The following PTPRZ1 variants were observed in gnomAD, a reference collection of about 807,000 sequenced individuals.
The protein encoded by PTPRZ1 is protein tyrosine phosphatase receptor type Z1.
PTPRZ1 carries 82 observed loss-of-function variants against 214.1 expected under a neutral mutation model. That is an observed-to-expected ratio of 0.38 (90% CI 0.32 to 0.46). The LOEUF is 0.46. Ranked by LOEUF, PTPRZ1 falls within the 20% of genes least tolerant of loss-of-function variation. The probability of loss-of-function intolerance (pLI) is 1.00; values close to 1 mark genes in which losing one functional copy is unlikely to be tolerated. For missense variants in PTPRZ1, 2,603 were observed against 2,748.7 expected, an observed-to-expected ratio of 0.95 and a Z score of 1.19; for synonymous variants, 945 against 987.9, an observed-to-expected ratio of 0.96 and a Z score of 0.81.
chr7:122,002,743 CCTT>C (rs1202055795), intron 10 of PTPRZ1, among the ~76,000 whole-genome samples: 2 of 152,086 alleles, frequency 1.3e-5, no homozygotes, highest in African/African-American at 4.8e-5. Flanking sequence ...ATTTTGAACA[CCTT>C]CTTAGGCATG....
intron 2 of PTPRZ1, among the ~76,000 whole-genome samples, chr7:121,963,611 G>A (rs1016666309): frequency 6.6e-6 from 1 of 152,060 alleles, no homozygotes; most frequent in East Asian, 1.9e-4. Context: ...CTCCACCCAG[G>A]GGTGTGGTTT....
intron 2 of PTPRZ1, among the ~76,000 whole-genome samples, chr7:121,941,747 G>A (rs965370143): frequency 6.6e-6 from 1 of 152,138 alleles, no homozygotes; most frequent in African/African-American, 2.4e-5. Flanking sequence ...TGAGGGGCCT[G>A]TGTCTGGGCC....
intron 10 of PTPRZ1, among the ~76,000 whole-genome samples, chr7:122,000,382 C>G (rs559997132): frequency 6.6e-6 from 1 of 151,682 alleles, no homozygotes; most frequent in South Asian, 2.1e-4. Context: ...TTGGTGCCTA[C>G]AAGATTAGTG....
chr7:121,933,907 C>A (rs557316363), intron 2 of PTPRZ1, among the ~76,000 whole-genome samples: 8 of 152,248 alleles, frequency 5.3e-5, no homozygotes, highest in African/African-American at 1.7e-4. Context: ...TGATTCACCA[C>A]TTCTTATATA....
chr7:122,044,969 C>T (rs1247545784), intron 23 of PTPRZ1, among the ~76,000 whole-genome samples: 1 of 151,922 alleles, frequency 6.6e-6, no homozygotes, highest in Non-Finnish European at 1.5e-5. Flanking sequence ...TGGAAAAAAT[C>T]TGTGTCTCAC....
At chr7:121,899,595 T>C (rs1794900252) in intron 1 of PTPRZ1, among the ~76,000 whole-genome samples, 1 of 152,144 alleles carries the variant, frequency 6.6e-6, no homozygotes, top group Non-Finnish European at 1.5e-5. Flanking sequence ...GTCCTGGAGC[T>C]CTTTGGAATT....
intron 2 of PTPRZ1, among the ~76,000 whole-genome samples, chr7:121,962,248 A>G (rs989267839): frequency 2.0e-5 from 3 of 152,012 alleles, no homozygotes; most frequent in Admixed American, 1.3e-4. Flanking sequence ...GGAGTTCAAG[A>G]CCAGCCTGGC....
chr7:121,887,840 C>T lies in PTPRZ1; in HGVS notation c.58+14283C>T, dbSNP rs892482527. 3.9e-4 allele frequency among the ~76,000 whole-genome samples: 59 copies of T among 151,958 alleles called. 1 individual carries two copies. The highest frequency in any genetic ancestry group is 2.6e-3 in the Admixed American group (39 of 15,222). On this transcript the variant is annotated intron_variant, in intron 1 of 29. Coordinates refer to ENST00000393386, the MANE Select transcript of PTPRZ1 (RefSeq NM_002851.3). Reference sequence around the variant, plus strand: ...GGGTTTTAATGAAACAAAAAGATACCGGATCCCTCTCGCTAACACCTCTTC... The same window carrying T: ...GGGTTTTAATGAAACAAAAAGATACTGGATCCCTCTCGCTAACACCTCTTC...
At chr7:122,038,190 A>G (rs1401054477) in intron 18 of PTPRZ1, among the ~76,000 whole-genome samples, 3 of 152,188 alleles carry the variant, frequency 2.0e-5, no homozygotes, top group Non-Finnish European at 4.4e-5. Context: ...TATGGAAACT[A>G]CAATTTAAGA....
chr7:122,013,904 A>G lies in PTPRZ1; in HGVS notation c.4843+15A>G. 6.4e-7 allele frequency: 1 copy of G among 1,571,276 alleles called. No individual in the cohort carries two copies. Among genetic ancestry groups the G allele is most frequent in the African/African-American group, 1.4e-5 (1 of 73,824 alleles). ...TTCAGAGGCAGGTTAGTTACGGATCAGAAGGACAGATTGAGGTGTGGTGGT... is the reference window on the plus strand; with the variant it reads ...TTCAGAGGCAGGTTAGTTACGGATCGGAAGGACAGATTGAGGTGTGGTGGT... On this transcript the variant is annotated intron_variant, in intron 12 of 29. Coordinates refer to ENST00000393386, the MANE Select transcript of PTPRZ1 (RefSeq NM_002851.3).
At chr7:122,048,926 C>T (rs1000508140) in intron 23 of PTPRZ1, among the ~76,000 whole-genome samples, 1 of 152,032 alleles carries the variant, frequency 6.6e-6, no homozygotes, top group Admixed American at 6.6e-5. Context: ...CAGAATAAGA[C>T]ACTTATAGGC....
At chr7:121,932,687 G>T (rs1795959813) in intron 2 of PTPRZ1, among the ~76,000 whole-genome samples, 1 of 152,046 alleles carries the variant, frequency 6.6e-6, no homozygotes, top group Non-Finnish European at 1.5e-5. Flanking sequence ...AAGCCATTTA[G>T]AAATATTACA....
At chr7:121,935,729 C>T (rs1462001504) in intron 2 of PTPRZ1, among the ~76,000 whole-genome samples, 2 of 151,858 alleles carry the variant, frequency 1.3e-5, no homozygotes, top group African/African-American at 2.4e-5. Flanking sequence ...CACCACATCC[C>T]GGCTAATTTT....
intron 8 of PTPRZ1, among the ~76,000 whole-genome samples, chr7:121,987,890 G>T (rs1256865581): frequency 6.6e-6 from 1 of 152,176 alleles, no homozygotes; most frequent in Non-Finnish European, 1.5e-5. Flanking sequence ...GGAGCTGCAG[G>T]TCATAATCCT....
intron 8 of PTPRZ1, among the ~76,000 whole-genome samples, chr7:121,994,056 T>A (rs558959087): frequency 1.3e-5 from 2 of 152,114 alleles, no homozygotes; most frequent in East Asian, 3.9e-4. Flanking sequence ...AGTGAAAACT[T>A]ATGGGCAAGA....
chr7:121,928,318 A>G (rs982096456), intron 2 of PTPRZ1, 97 bp downstream of exon 2: 9 of 775,784 alleles, frequency 1.2e-5, no homozygotes, highest in African/African-American at 1.8e-5. Context: ...ACAACACATC[A>G]TGTCAACTTA....
At chr7:121,907,848 T>C (rs1484742536) in intron 1 of PTPRZ1, among the ~76,000 whole-genome samples, 1 of 152,098 alleles carries the variant, frequency 6.6e-6, no homozygotes, top group Non-Finnish European at 1.5e-5. Flanking sequence ...CTGAATTACC[T>C]TGATTATTTC....
At chr7:122,031,657 A>G (rs554788488) in intron 15 of PTPRZ1, 98 bp downstream of exon 15, 2 of 753,174 alleles carry the variant, frequency 2.7e-6, no homozygotes, top group Admixed American at 2.9e-5. Flanking sequence ...CAGTGCAACC[A>G]TTTGCACTTC....
intron 1 of PTPRZ1, among the ~76,000 whole-genome samples, chr7:121,923,268 T>G (rs557578432): frequency 3.9e-4 from 60 of 152,340 alleles, no homozygotes; most frequent in African/African-American, 1.1e-3. Flanking sequence ...ATTTCTAGAC[T>G]TCTGCTATCA....
Sources: gnomAD v4.1 joint callset for allele counts (sites outside exome capture counted in the v4.1 genomes callset) on GRCh38, gnomAD v4.1.1 for gene constraint, MANE v1.5 for transcripts, NCBI Gene and HGNC (gene_info 2026-07-23, HGNC 2026-07-21) for gene names.